The following VPS11 variants were observed in gnomAD, a reference collection of about 807,000 sequenced individuals.
VPS11 encodes VPS11 core subunit of CORVET and HOPS complexes.
A neutral mutation model predicts 106.8 loss-of-function variants in VPS11; 51 were observed. The ratio of observed to expected loss-of-function variants is 0.48; its 90% CI spans 0.38 to 0.60. VPS11 has a LOEUF of 0.60. Among genes scored for constraint, VPS11 ranks in the 20% least tolerant of loss-of-function variants. VPS11 has a pLI of 0.00. For synonymous variants in VPS11, 453 were observed against 458.7 expected, an observed-to-expected ratio of 0.99 and a Z score of 0.16; for missense variants, 950 against 1,190.0, an observed-to-expected ratio of 0.80 and a Z score of 2.97.
intron 7 of VPS11, 186 bp from the exon 8 acceptor site, chr11:119,076,711 G>T (rs1345528822): frequency 3.1e-6 from 2 of 652,382 alleles, no homozygotes; most frequent in African/African-American, 3.6e-5. Flanking sequence ...TTGTTACCCA[G>T]TGTGGTCCAC....
At chr11:119,074,060 T>C in intron 7 of VPS11, 109 bp downstream of exon 7, 3 of 1,320,322 alleles carry the variant, frequency 2.3e-6, no homozygotes, top group Non-Finnish European at 2.0e-6. Flanking sequence ...CCAGGAACTG[T>C]TTTTGTTTTT....
In VPS11 at chr11:119,078,010, A is replaced by C. The variant is rs782662938; in HGVS notation, c.1705A>C (p.Thr569Pro). 3.1e-6 allele frequency: 5 copies of C among 1,613,604 alleles called. No homozygotes were observed. The highest frequency in any genetic ancestry group is 2.5e-6 in the Non-Finnish European group (3 of 1,179,876). ...AACTCAGTTGCTGAAGGGACTTTGT[A>C]CTGATTATCGGCCCAGCCTCGAAGG... ...QTTQLLKGLC[T>P]DYRPSLEGRS... Residue 569 changes from threonine to proline, a missense_variant, in exon 10 of 16, where the codon ACT (threonine) becomes CCT (proline). By Grantham distance (38) the Thr-to-Pro change is conservative. Coordinates refer to ENST00000621676, the MANE Select transcript of VPS11 (RefSeq NM_021729.6).
At chr11:119,074,308 A>G (rs1482870608) in intron 7 of VPS11, among the ~76,000 whole-genome samples, 1 of 151,264 alleles carries the variant, frequency 6.6e-6, no homozygotes, top group African/African-American at 2.4e-5. Flanking sequence ...CTGGTCATGA[A>G]CTCCTGACCT....
intron 1 of VPS11, 84 bp from the exon 2 acceptor site, chr11:119,069,112 T>C (rs1235543244): frequency 3.9e-6 from 6 of 1,555,562 alleles, no homozygotes; most frequent in Non-Finnish European, 5.2e-6. Flanking sequence ...AATTTTAGAG[T>C]TATATACATG....
Position 119,078,170 on chromosome 11 carries a change from T to C in VPS11, c.1762-3T>C, listed in dbSNP as rs1028255023. On this transcript the variant is annotated splice_region_variant and splice_polypyrimidine_tract_variant and intron_variant, in intron 10 of 15. Transcript: ENST00000621676. ...CCTCCTTTTTCCTCTCTTGCCATCCTAGGCCAACTCTGAGGAGTTCATCCC... is the reference window on the plus strand; with the variant it reads ...CCTCCTTTTTCCTCTCTTGCCATCCCAGGCCAACTCTGAGGAGTTCATCCC... 1.9e-5 allele frequency: 30 copies of C among 1,612,806 alleles called. No individual in the cohort carries two copies. The highest frequency in any genetic ancestry group is 2.2e-5 in the Non-Finnish European group (26 of 1,179,834).
chr11:119,069,839 A>G (rs944631120), intron 3 of VPS11, among the ~76,000 whole-genome samples: 2 of 151,900 alleles, frequency 1.3e-5, no homozygotes, highest in African/African-American at 2.4e-5. Flanking sequence ...TCTCTACTAA[A>G]AATACAAAAT....
intron 14 of VPS11, among the ~76,000 whole-genome samples, chr11:119,080,732 A>G (rs1229086582): frequency 6.6e-6 from 1 of 152,208 alleles, no homozygotes; most frequent in Admixed American, 6.5e-5. Flanking sequence ...TGAATTGAGC[A>G]AGGGGAGTGG....
At position 119,081,138 on chromosome 11, in the gene VPS11, T is replaced by C. The variant is rs375945689; in HGVS notation, c.2485T>C (p.Leu829=). Residue 829 remains leucine (L), a synonymous_variant, in exon 15 of 16, where the codon TTG becomes CTG. Coordinates refer to ENST00000621676, the MANE Select transcript of VPS11 (RefSeq NM_021729.6). The part of the protein sequence containing the change: ...KTKCSICNSA[L]ELPSVHFLCG... ...CAAGTGCAGCATCTGTAACAGTGCC[T>C]TGGAGTTGCCCTCAGTCCACTTCCT... is the stretch of plus-strand genomic sequence containing the variant. The C allele has an allele frequency of 2.2e-5, 35 of 1,613,960 alleles. No individual in the cohort carries two copies. The highest frequency in any genetic ancestry group is 2.9e-5 in the Non-Finnish European group (34 of 1,179,914).
intron 7 of VPS11, among the ~76,000 whole-genome samples, chr11:119,074,446 C>T (rs1280165306): frequency 2.0e-5 from 3 of 151,810 alleles, no homozygotes; most frequent in East Asian, 3.9e-4. Context: ...CGCTCTTTCA[C>T]CCAGGCTGGA....
intron 3 of VPS11, among the ~76,000 whole-genome samples, chr11:119,070,026 AT>A (rs1170792425): frequency 6.6e-6 from 1 of 151,476 alleles, no homozygotes; most frequent in Non-Finnish European, 1.5e-5. Context: ...AAATAAATAA[AT>A]AAAATAAATA....
At chr11:119,078,095 CTG>C (rs1444844020) in intron 10 of VPS11, 29 bp downstream of exon 10, 1 of 1,609,128 alleles carries the variant, frequency 6.2e-7, no homozygotes, top group Non-Finnish European at 8.5e-7. Context: ...GAGCTTCAGA[CTG>C]TGGGGATCAC....
At chr11:119,074,871 C>G (rs1294562064) in intron 7 of VPS11, among the ~76,000 whole-genome samples, 1 of 152,124 alleles carries the variant, frequency 6.6e-6, no homozygotes, top group Non-Finnish European at 1.5e-5. Context: ...TCACTTTGAC[C>G]TGGTTCTTTA....
chr11:119,079,056 G>A (rs1668433078), intron 13 of VPS11, 59 bp downstream of exon 13: 1 of 1,612,054 alleles, frequency 6.2e-7, no homozygotes, highest in African/African-American at 1.3e-5. Flanking sequence ...TCTGTGGCAG[G>A]GGCCCTTCAC....
rs372473821 is a variant in VPS11, at chr11:119,078,392, G to A, written c.1923+58G>A. ...CAGTTCGTGCCGTCTCCATTCTTCC[G>A]TCTTGGTGGCTGCCTTTCACTGCAT... is the stretch of plus-strand genomic sequence containing the variant. On this transcript the variant is annotated intron_variant, in intron 11 of 15. Transcript: ENST00000621676. 30 of 1,590,740 alleles carry A rather than the reference G, an allele frequency of 1.9e-5. No individual in the cohort carries two copies. In the Admixed American group the frequency reaches 2.0e-4, roughly 11 times the overall value.
intron 1 of VPS11, among the ~76,000 whole-genome samples, chr11:119,068,930 TTAG>T (rs1945240332): frequency 5.7e-5 from 2 of 35,296 alleles, no homozygotes; most frequent in South Asian, 2.1e-3. Flanking sequence ...TTTTGTATTT[TTAG>T]TAGAGACAGG....
intron 13 of VPS11, 25 bp downstream of exon 13, chr11:119,079,022 G>C (rs1192166563): frequency 6.2e-7 from 1 of 1,613,136 alleles, no homozygotes; most frequent in Non-Finnish European, 8.5e-7. Context: ...AGATGGGTGG[G>C]TGACAAGCTG....
intron 1 of VPS11, among the ~76,000 whole-genome samples, chr11:119,068,722 A>G (rs1945227256): frequency 6.6e-6 from 1 of 151,146 alleles, no homozygotes; most frequent in Admixed American, 6.6e-5. Context: ...CTGGGATTAC[A>G]GGAGTGAGCC....
chr11:119,079,630 G>A (rs1242808995), intron 14 of VPS11, among the ~76,000 whole-genome samples: 4 of 152,162 alleles, frequency 2.6e-5, no homozygotes, highest in Non-Finnish European at 4.4e-5. Flanking sequence ...GGCTGGAGTG[G>A]AGGGGTGTGA....
rs782158141 is a variant in VPS11, at chr11:119,073,345, G to A, written c.1032G>A (p.Thr344=). 2.9e-5 allele frequency: 46 copies of A among 1,613,726 alleles called. No individual in the cohort carries two copies. The highest frequency in any genetic ancestry group is 3.6e-5 in the Non-Finnish European group (43 of 1,179,894). ...LAEWGSLYVL[T]RDGRVHALQE... is the part of the protein sequence containing the mutation. ...AGTGGGGCTCCCTGTACGTGCTGAC[G>A]CGGGATGGGCGGGTCCACGCACTGC... The change falls in exon 6 of 16, where the codon ACG becomes ACA. Residue 344 remains threonine, a synonymous_variant. Transcript: ENST00000621676.
Sources: gnomAD v4.1 joint callset for allele counts (sites outside exome capture counted in the v4.1 genomes callset) on GRCh38, gnomAD v4.1.1 for gene constraint, MANE v1.5 for transcripts, NCBI Gene and HGNC (gene_info 2026-07-23, HGNC 2026-07-21) for gene names.